The following HS6ST3 variants were observed in gnomAD, a reference collection of about 807,000 sequenced individuals.
The protein encoded by HS6ST3 is heparan-sulfate 6-O-sulfotransferase 3.
HS6ST3 carries 12 observed loss-of-function variants against 36.7 expected under a neutral mutation model. The observed-to-expected ratio is 0.33, with a 90% CI of 0.21 to 0.53. HS6ST3 has a LOEUF of 0.53. Ranked by LOEUF, HS6ST3 falls within the 20% of genes least tolerant of loss-of-function variation. The pLI, the probability that HS6ST3 is intolerant of heterozygous loss-of-function variation, is 0.95. For synonymous variants in HS6ST3, 240 were observed against 257.5 expected, an observed-to-expected ratio of 0.93 and a Z score of 0.65; for missense variants, 584 against 640.9, an observed-to-expected ratio of 0.91 and a Z score of 0.96.
At chr13:96,560,119 A>G (rs1037879167) in intron 1 of HS6ST3, among the ~76,000 whole-genome samples, 22 of 152,332 alleles carry the variant, frequency 1.4e-4, no homozygotes, top group African/African-American at 5.3e-4. Context: ...TAAATAAAGT[A>G]TGGGTACATT....
intron 1 of HS6ST3, among the ~76,000 whole-genome samples, chr13:96,730,790 G>A (rs1005917347): frequency 6.6e-6 from 1 of 152,070 alleles, no homozygotes; most frequent in Admixed American, 6.6e-5. Context: ...CTGGAGTGAA[G>A]GGGCACTATC....
intron 1 of HS6ST3, among the ~76,000 whole-genome samples, chr13:96,778,717 T>C (rs1003183208): frequency 1.3e-5 from 2 of 152,158 alleles, no homozygotes; most frequent in Admixed American, 1.3e-4. Context: ...TTTACACTGT[T>C]GGTGGGAGAG....
chr13:96,591,989 G>A (rs1386896898), intron 1 of HS6ST3, among the ~76,000 whole-genome samples: 2 of 151,984 alleles, frequency 1.3e-5, no homozygotes, highest in Admixed American at 6.6e-5. Context: ...GTTGGTATGA[G>A]GTATCTCATT....
intron 1 of HS6ST3, among the ~76,000 whole-genome samples, chr13:96,537,167 T>C (rs955856787): frequency 5.9e-5 from 9 of 152,148 alleles, no homozygotes; most frequent in African/African-American, 1.9e-4. Flanking sequence ...TCATGGTGGA[T>C]GGCGAAAGGC....
intron 1 of HS6ST3, among the ~76,000 whole-genome samples, chr13:96,483,354 C>A (rs1236440742): frequency 6.6e-6 from 1 of 152,034 alleles, no homozygotes; most frequent in African/African-American, 2.4e-5. Context: ...AACCTAGAAT[C>A]TTTGATGAAC....
intron 1 of HS6ST3, among the ~76,000 whole-genome samples, chr13:96,579,639 G>C (rs758118848): frequency 6.6e-6 from 1 of 151,878 alleles, no homozygotes; most frequent in South Asian, 2.1e-4. Flanking sequence ...AAGTCAACAA[G>C]CCAATGCTAA....
chr13:96,313,268 G>C (rs2054950858), intron 1 of HS6ST3, among the ~76,000 whole-genome samples: 3 of 151,480 alleles, frequency 2.0e-5, no homozygotes, highest in African/African-American at 7.3e-5. Flanking sequence ...AAACTCAGCT[G>C]TGCCCTAGAA....
chr13:96,108,093 C>T (rs2053850323), intron 1 of HS6ST3, among the ~76,000 whole-genome samples: 1 of 152,104 alleles, frequency 6.6e-6, no homozygotes, highest in South Asian at 2.1e-4. Context: ...TCTCTTATTG[C>T]CGAAAACGGG....
At chr13:96,718,910 T>C (rs1221246767) in intron 1 of HS6ST3, among the ~76,000 whole-genome samples, 1 of 152,202 alleles carries the variant, frequency 6.6e-6, no homozygotes, top group Non-Finnish European at 1.5e-5. Flanking sequence ...ATAAAGATGC[T>C]TGTTCCTTTA....
chr13:96,639,953 C>A (rs1594824533), intron 1 of HS6ST3, among the ~76,000 whole-genome samples: 1 of 152,062 alleles, frequency 6.6e-6, no homozygotes, highest in East Asian at 1.9e-4. Flanking sequence ...TTGGCTTTAT[C>A]CAGCCCACTG....
chr13:96,429,886 T>C (rs1280711250), intron 1 of HS6ST3, among the ~76,000 whole-genome samples: 6 of 152,236 alleles, frequency 3.9e-5, no homozygotes, highest in Non-Finnish European at 8.8e-5. Context: ...AATTCAGCTA[T>C]GGTTAGCCAC....
intron 1 of HS6ST3, among the ~76,000 whole-genome samples, chr13:96,609,657 T>C (rs1175112796): frequency 6.6e-6 from 1 of 152,192 alleles, no homozygotes; most frequent in African/African-American, 2.4e-5. Flanking sequence ...GATCCATCTG[T>C]AGCCCTCTCA....
chr13:96,311,428 C>A (rs867866542), intron 1 of HS6ST3, among the ~76,000 whole-genome samples: 2 of 152,040 alleles, frequency 1.3e-5, no homozygotes, highest in African/African-American at 4.8e-5. Context: ...GGCTGGTGGG[C>A]GCTTTCCAGA....
intron 1 of HS6ST3, among the ~76,000 whole-genome samples, chr13:96,108,973 A>ATCTCTG (rs1319724187): frequency 4.6e-5 from 7 of 151,858 alleles, no homozygotes; most frequent in Admixed American, 1.3e-4. Flanking sequence ...CTCTATCTCT[A>ATCTCTG]TCTCTATCTC....
intron 1 of HS6ST3, among the ~76,000 whole-genome samples, chr13:96,422,684 A>C (rs2139469142): frequency 6.6e-6 from 1 of 152,298 alleles, no homozygotes; most frequent in Non-Finnish European, 1.5e-5. Context: ...GTTTGTAGGA[A>C]TGCACCCATT....
intron 1 of HS6ST3, among the ~76,000 whole-genome samples, chr13:96,732,043 C>G (rs753857426): frequency 2.6e-5 from 4 of 152,174 alleles, no homozygotes; most frequent in Non-Finnish European, 5.9e-5. Flanking sequence ...CAAGGCCTCT[C>G]TTTACGCACA....
intron 1 of HS6ST3, among the ~76,000 whole-genome samples, chr13:96,436,761 T>C (rs1377223973): frequency 6.6e-6 from 1 of 152,222 alleles, no homozygotes; most frequent in African/African-American, 2.4e-5. Context: ...CCAAGAACTG[T>C]ATGGGCTGGC....
chr13:96,749,499 A>T (rs1180145384), intron 1 of HS6ST3, among the ~76,000 whole-genome samples: 1 of 152,142 alleles, frequency 6.6e-6, no homozygotes, highest in Non-Finnish European at 1.5e-5. Context: ...TTTGGATTGT[A>T]TGTGTACGTT....
rs530561591 is a variant in HS6ST3 at position 96,632,914 on chromosome 13, T to C, written c.708-199576T>C. Among the ~76,000 whole-genome samples the C allele has an allele frequency of 1.3e-3, 193 of 152,366 alleles. 1 individual carries two copies. Among genetic ancestry groups the C allele is most frequent in the Non-Finnish European group, 2.4e-3 (160 of 68,036 alleles). On this transcript the variant is annotated intron_variant, in intron 1 of 1. Coordinates refer to ENST00000376705, the MANE Select transcript of HS6ST3 (RefSeq NM_153456.4). ...TAGTAGATGTAAAAATCTGGGAATA[T>C]GTGAGTGAGATGTGCATGTTAACAG...
Sources: allele counts gnomAD v4.1 joint callset (sites outside exome capture counted in the v4.1 genomes callset), GRCh38; gene constraint gnomAD v4.1.1; transcripts MANE v1.5; gene names NCBI Gene and HGNC (gene_info 2026-07-23, HGNC 2026-07-21).